Variants in CNBD1 observed in about 807,000 individuals in gnomAD.
CNBD1 encodes cyclic nucleotide-binding domain-containing protein 1.
A neutral mutation model predicts 54.4 loss-of-function variants in CNBD1; 71 were observed. That is an observed-to-expected ratio of 1.30 (90% confidence interval 1.08 to 1.59). The LOEUF (loss-of-function observed/expected upper bound fraction) is 1.59. Among genes scored for constraint, CNBD1 ranks in the 40% most tolerant of loss-of-function variants. CNBD1 has a pLI of 0.00. For synonymous variants in CNBD1, 182 were observed against 170.7 expected, an observed-to-expected ratio of 1.07 and a Z score of -0.51; for missense variants, 659 against 518.0, an observed-to-expected ratio of 1.27 and a Z score of -2.64.
chr8:87,392,996 T>G (rs898734462), intron 2 of CNBD1, among the ~76,000 whole-genome samples: 16 of 151,868 alleles, frequency 1.1e-4, no homozygotes, highest in Non-Finnish European at 1.8e-4. Context: ...TACGTAACAT[T>G]TTGAAGATTT....
At chr8:87,367,943 A>T (rs971567117) in intron 10 of CNBD1, among the ~76,000 whole-genome samples, 2 of 152,042 alleles carry the variant, frequency 1.3e-5, no homozygotes, top group African/African-American at 2.4e-5. Flanking sequence ...AGGCAGAGGC[A>T]GGTGGATCAC....
At chr8:87,001,425 A>G (rs73689988) in intron 4 of CNBD1, among the ~76,000 whole-genome samples, 1,738 of 152,118 alleles carry the variant, frequency 0.011, 29 homozygotes, top group African/African-American at 0.038. Flanking sequence ...CACTCTCTAG[A>G]TAAGTTACTG....
chr8:87,374,527 T>A (rs1159362630), intron 10 of CNBD1, among the ~76,000 whole-genome samples: 1 of 151,810 alleles, frequency 6.6e-6, no homozygotes, highest in Non-Finnish European at 1.5e-5. Context: ...TCTAGACTGG[T>A]ACACCTTGTA....
At chr8:87,332,011 T>G (rs1263091781) in intron 8 of CNBD1, among the ~76,000 whole-genome samples, 1 of 145,914 alleles carries the variant, frequency 6.9e-6, no homozygotes, top group Non-Finnish European at 1.5e-5. Flanking sequence ...TTCTGTAGGT[T>G]GCATGTTCAC....
intron 4 of CNBD1, among the ~76,000 whole-genome samples, chr8:87,101,698 T>C (rs894293370): frequency 6.6e-6 from 1 of 152,084 alleles, no homozygotes; most frequent in East Asian, 1.9e-4. Flanking sequence ...TTTTAAAGCA[T>C]ATATGGAATT....
At chr8:87,230,991 C>A (rs114244519) in intron 5 of CNBD1, among the ~76,000 whole-genome samples, 8,020 of 151,972 alleles carry the variant, frequency 0.053, 681 homozygotes, top group African/African-American at 0.17. Context: ...TTTTTAAAGT[C>A]TCAGGAAACT....
intron 3 of CNBD1, among the ~76,000 whole-genome samples, chr8:86,910,528 T>C (rs1042454614): frequency 2.4e-4 from 37 of 152,166 alleles, no homozygotes; most frequent in African/African-American, 8.7e-4. Flanking sequence ...ATAGCCACTG[T>C]AAACAATGAG....
chr8:87,330,169 A>T (rs1039225765), intron 8 of CNBD1, among the ~76,000 whole-genome samples: 1 of 149,600 alleles, frequency 6.7e-6, no homozygotes, highest in Non-Finnish European at 1.5e-5. Flanking sequence ...TTTAATGTTC[A>T]TAAGATCTGT....
chr8:86,920,730 A>G (rs1423932573), intron 3 of CNBD1, among the ~76,000 whole-genome samples: 3 of 152,168 alleles, frequency 2.0e-5, no homozygotes, highest in Non-Finnish European at 4.4e-5. Context: ...AAATTGATAC[A>G]TAAGTTTGGA....
chr8:87,416,686 G>A (rs189776986), intron 2 of CNBD1, among the ~76,000 whole-genome samples: 1 of 151,972 alleles, frequency 6.6e-6, no homozygotes, highest in South Asian at 2.1e-4. Context: ...TTTTTCCCAG[G>A]GGTGTTTGTT....
chr8:87,284,660 T>C lies in CNBD1; in HGVS notation c.772-18T>C, dbSNP rs1452392042. Reference sequence around the variant, plus strand: ...ATGAGTGGTAATAAACATTAAATTGTCTCTGGTATTTTTACAGCTTAGCAA... The same window carrying C: ...ATGAGTGGTAATAAACATTAAATTGCCTCTGGTATTTTTACAGCTTAGCAA... On this transcript the variant is annotated intron_variant, in intron 6 of 10. Transcript: ENST00000518476. 1.3e-6 allele frequency: 2 copies of C among 1,587,618 alleles called. No homozygotes were observed. The highest frequency in any genetic ancestry group is 1.7e-6 in the Non-Finnish European group (2 of 1,168,228).
chr8:87,398,094 C>CT (rs1811441593), intron 2 of CNBD1, among the ~76,000 whole-genome samples: 1 of 151,170 alleles, frequency 6.6e-6, no homozygotes, highest in Non-Finnish European at 1.5e-5. Flanking sequence ...TCAATTTTCT[C>CT]TAAGTTTTTA....
chr8:87,161,776 A>C (rs1812863357), intron 4 of CNBD1, among the ~76,000 whole-genome samples: 1 of 152,154 alleles, frequency 6.6e-6, no homozygotes, highest in South Asian at 2.1e-4. Context: ...GTAAGCACAT[A>C]TCCACATCTA....
At chr8:87,226,142 T>G (rs1814483507) in intron 5 of CNBD1, among the ~76,000 whole-genome samples, 1 of 152,206 alleles carries the variant, frequency 6.6e-6, no homozygotes, top group South Asian at 2.1e-4. Context: ...TTTTTCTTTA[T>G]TAGTCTTGCT....
chr8:87,269,776 A>G (rs1808327097), intron 6 of CNBD1, among the ~76,000 whole-genome samples: 1 of 152,014 alleles, frequency 6.6e-6, no homozygotes, highest in African/African-American at 2.4e-5. Context: ...GCAATAAAAA[A>G]CCTACTAACC....
chr8:87,385,962 T>A (rs559416461), downstream of CNBD1, among the ~76,000 whole-genome samples: 122 of 152,218 alleles, frequency 8.0e-4, 2 homozygotes, highest in South Asian at 0.023. Context: ...TGTTCACCAA[T>A]ATCCGCTGTT....
chr8:86,971,119 A>G (rs1808210061), intron 4 of CNBD1, among the ~76,000 whole-genome samples: 1 of 152,208 alleles, frequency 6.6e-6, no homozygotes, highest in South Asian at 2.1e-4. Flanking sequence ...ATAAAGAACT[A>G]TCTGAGACTG....
At chr8:87,328,984 AT>A (rs1251635034) in intron 8 of CNBD1, among the ~76,000 whole-genome samples, 1 of 151,548 alleles carries the variant, frequency 6.6e-6, no homozygotes, top group Admixed American at 6.6e-5. Flanking sequence ...GGCCATCTAG[AT>A]TTTCTATCTT....
At chr8:87,417,405 C>A (rs1807855246) in intron 2 of CNBD1, among the ~76,000 whole-genome samples, 1 of 151,896 alleles carries the variant, frequency 6.6e-6, no homozygotes, top group South Asian at 2.1e-4. Context: ...AACCATATTA[C>A]CCACATGATC....
Sources: gnomAD v4.1 joint callset for allele counts (sites outside exome capture counted in the v4.1 genomes callset) on GRCh38, gnomAD v4.1.1 for gene constraint, MANE v1.5 for transcripts, NCBI Gene and HGNC (gene_info 2026-07-23, HGNC 2026-07-21) for gene names.